The following APBA1 variants were observed in gnomAD, a reference collection of about 807,000 sequenced individuals.
APBA1 encodes the protein amyloid beta precursor protein binding family A member 1.
In APBA1, 55 loss-of-function variants were observed where a neutral mutation model predicts 86.6. That is an observed-to-expected ratio of 0.64 (90% CI 0.51 to 0.80). The LOEUF is 0.80. APBA1 is among the 30% of genes least tolerant of loss of function. The probability of loss-of-function intolerance (pLI) is 0.00; values close to 1 mark genes in which losing one functional copy is unlikely to be tolerated. For synonymous variants in APBA1, 511 were observed against 493.9 expected, an observed-to-expected ratio of 1.03 and a Z score of -0.46; for missense variants, 1,090 against 1,183.0, an observed-to-expected ratio of 0.92 and a Z score of 1.15.
intron 11 of APBA1, among the ~76,000 whole-genome samples, chr9:69,434,325 T>C (rs1405386403): frequency 6.6e-6 from 1 of 152,104 alleles, no homozygotes; most frequent in Non-Finnish European, 1.5e-5. Context: ...GAATCTCTGC[T>C]GAAGGGACTC....
chr9:69,583,406 C>T (rs1053577802), intron 1 of APBA1, among the ~76,000 whole-genome samples: 4 of 152,166 alleles, frequency 2.6e-5, no homozygotes, highest in African/African-American at 7.2e-5. Flanking sequence ...AGGGGTTCAA[C>T]ACCACAACCC....
chr9:69,584,945 G>A (rs117088376), intron 1 of APBA1, among the ~76,000 whole-genome samples: 13,961 of 152,152 alleles, frequency 0.092, 923 homozygotes, highest in Middle Eastern at 0.13. Context: ...ATCTCATTTG[G>A]GTATAATGTG....
chr9:69,439,139 A>G (rs1834760589), intron 11 of APBA1, among the ~76,000 whole-genome samples: 1 of 88,322 alleles, frequency 1.1e-5, no homozygotes, highest in South Asian at 5.0e-4. Context: ...AGTTTCTGCC[A>G]AGAGATCCGC....
chr9:69,457,767 T>A (rs1835123217), intron 6 of APBA1, among the ~76,000 whole-genome samples: 3 of 152,166 alleles, frequency 2.0e-5, no homozygotes, highest in Non-Finnish European at 1.5e-5. Flanking sequence ...ACTCTGTACA[T>A]GTGTGGTTAT....
chr9:69,476,023 C>A, intron 3 of APBA1, 25 bp downstream of exon 3: 4 of 1,600,304 alleles, frequency 2.5e-6, no homozygotes, highest in Non-Finnish European at 3.4e-6. Context: ...GGCCCAATGG[C>A]TTTGGTAACA....
At chr9:69,446,011 G>T (rs1463816876) in intron 10 of APBA1, among the ~76,000 whole-genome samples, 2 of 152,160 alleles carry the variant, frequency 1.3e-5, no homozygotes, top group African/African-American at 4.8e-5. Flanking sequence ...GATGAGAGTT[G>T]CTTGTCAAAG....
At chr9:69,549,331 C>T (rs1379525104) in intron 1 of APBA1, among the ~76,000 whole-genome samples, 31 of 152,106 alleles carry the variant, frequency 2.0e-4, no homozygotes, top group Non-Finnish European at 4.4e-5. Flanking sequence ...AAACACTAAG[C>T]CCATGCCTGG....
At chr9:69,669,421 A>G (rs1823904897) in intron 1 of APBA1, among the ~76,000 whole-genome samples, 1 of 152,202 alleles carries the variant, frequency 6.6e-6, no homozygotes, top group Non-Finnish European at 1.5e-5. Flanking sequence ...GGAAGAGAAA[A>G]GCACTGATGC....
chr9:69,562,024 C>T lies in APBA1; in HGVS notation c.-69-44745G>A, dbSNP rs535053273. On this transcript the variant is annotated intron_variant, in intron 1 of 12. Coordinates refer to ENST00000265381, the MANE Select transcript of APBA1 (RefSeq NM_001163.4). Reference sequence around the variant, plus strand: ...TTTTTTTGATGGGGGGAAGGTGATACATTTTAATTCATTTTTTCATTATTT... The same window carrying T: ...TTTTTTTGATGGGGGGAAGGTGATATATTTTAATTCATTTTTTCATTATTT... 5.3e-5 allele frequency among the ~76,000 whole-genome samples: 8 copies of T among 152,180 alleles called. No homozygotes were observed. The East Asian group carries it at 1.4e-3, about 26-fold the overall frequency.
intron 1 of APBA1, among the ~76,000 whole-genome samples, chr9:69,626,693 A>G (rs1165928780): frequency 6.6e-6 from 1 of 152,138 alleles, no homozygotes; most frequent in African/African-American, 2.4e-5. Flanking sequence ...GACTTGGCCA[A>G]ATCTCTTGGA....
chr9:69,602,595 G>A (rs982405273), intron 1 of APBA1, among the ~76,000 whole-genome samples: 3 of 151,610 alleles, frequency 2.0e-5, no homozygotes, highest in African/African-American at 7.3e-5. Flanking sequence ...AGAAGAAGAA[G>A]AAAAAAGAAA....
At chr9:69,512,429 G>A (rs757837449) in intron 2 of APBA1, among the ~76,000 whole-genome samples, 2 of 152,122 alleles carry the variant, frequency 1.3e-5, no homozygotes, top group Non-Finnish European at 2.9e-5. Context: ...AATTAGCAAC[G>A]GTGGCTGACA....
At chr9:69,660,326 T>C (rs1235661345) in intron 1 of APBA1, among the ~76,000 whole-genome samples, 1 of 152,216 alleles carries the variant, frequency 6.6e-6, no homozygotes, top group Non-Finnish European at 1.5e-5. Context: ...CATGGAGTTC[T>C]GGCCCCCATG....
chr9:69,631,480 T>C (rs1377611344), intron 1 of APBA1, among the ~76,000 whole-genome samples: 1 of 152,202 alleles, frequency 6.6e-6, no homozygotes, highest in African/African-American at 2.4e-5. Flanking sequence ...AGTTCAACCA[T>C]TCTGGAAGAC....
chr9:69,655,363 T>G (rs1029807634), intron 1 of APBA1, among the ~76,000 whole-genome samples: 1 of 152,100 alleles, frequency 6.6e-6, no homozygotes. Context: ...CAAAAACTAT[T>G]AGAATGAGTA....
chr9:69,638,638 T>C (rs1217381571), intron 1 of APBA1, among the ~76,000 whole-genome samples: 1 of 152,204 alleles, frequency 6.6e-6, no homozygotes, highest in South Asian at 2.1e-4. Flanking sequence ...GGCATGTGCA[T>C]GTTTAAATAG....
chr9:69,629,634 G>A (rs994424437), intron 1 of APBA1, among the ~76,000 whole-genome samples: 1 of 152,142 alleles, frequency 6.6e-6, no homozygotes, highest in African/African-American at 2.4e-5. Flanking sequence ...CAAGCCAAAG[G>A]TCTAGAGCCT....
chr9:69,664,374 C>T (rs746501274), intron 1 of APBA1, among the ~76,000 whole-genome samples: 21 of 152,166 alleles, frequency 1.4e-4, no homozygotes, highest in Middle Eastern at 3.4e-3. Context: ...ATAAAACAAA[C>T]GTTCTTACAT....
intron 9 of APBA1, among the ~76,000 whole-genome samples, chr9:69,450,056 GTTTT>G (rs58417611): frequency 1.2e-4 from 11 of 94,150 alleles, no homozygotes; most frequent in East Asian, 3.3e-4. Flanking sequence ...AGGACCACCA[GTTTT>G]TTTTTTTTTT....
Sources: gnomAD v4.1 joint callset for allele counts (sites outside exome capture counted in the v4.1 genomes callset) on GRCh38, gnomAD v4.1.1 for gene constraint, MANE v1.5 for transcripts, NCBI Gene and HGNC (gene_info 2026-07-23, HGNC 2026-07-21) for gene names.